The following DRC9 variants were observed in gnomAD, a reference collection of about 807,000 sequenced individuals.
The protein encoded by DRC9 is dynein regulatory complex subunit 9.
the DRC9 span, among the ~76,000 whole-genome samples, chr3:197,891,857 T>C: frequency 6.6e-6 from 1 of 152,228 alleles, no homozygotes; most frequent in Admixed American, 6.5e-5. Context: ...TGGGAGAATG[T>C]ACATACACAA....
At chr3:197,924,307 C>T in the DRC9 span, among the ~76,000 whole-genome samples, 17,815 of 147,560 alleles carry the variant, frequency 0.12, 1,157 homozygotes, top group East Asian at 0.21. Flanking sequence ...TTCAGTGAGC[C>T]GAAATTGTGC....
the DRC9 span, among the ~76,000 whole-genome samples, chr3:197,947,533 C>T: frequency 1.2e-3 from 185 of 152,196 alleles, no homozygotes; most frequent in Non-Finnish European, 1.9e-3. Context: ...TCCCTTGCAA[C>T]TCAGGGTCTT....
chr3:197,911,645 ATT>A, the DRC9 span, among the ~76,000 whole-genome samples: 1 of 147,550 alleles, frequency 6.8e-6, no homozygotes. Flanking sequence ...AGATTAGTAA[ATT>A]TTTTTTTTTT....
At chr3:197,900,250 G>A in the DRC9 span, among the ~76,000 whole-genome samples, 2 of 152,218 alleles carry the variant, frequency 1.3e-5, no homozygotes, top group African/African-American at 2.4e-5. This position sits in a 1 kb window ranked among gnomAD's most constrained non-coding sequence, Gnocchi z 4.7. Context: ...TGGTGCCTGT[G>A]GACTTGGGGG....
At chr3:197,950,290 C>A in the DRC9 span, 19 of 1,229,722 alleles carry the variant, frequency 1.5e-5, no homozygotes, top group Non-Finnish European at 1.9e-5. Flanking sequence ...TGTGCCTTGG[C>A]GAGTCGCCGG....
At chr3:197,944,065 A>C in the DRC9 span, 3 of 1,600,368 alleles carry the variant, frequency 1.9e-6, no homozygotes, top group Non-Finnish European at 2.6e-6. Flanking sequence ...AGGAAAGAAT[A>C]AAGAAAAAAT....
chr3:197,953,292 C>G, the DRC9 span, among the ~76,000 whole-genome samples: 2 of 152,150 alleles, frequency 1.3e-5, no homozygotes, highest in African/African-American at 4.8e-5. Context: ...GGGAGGATTG[C>G]TTGATGCCAG....
the DRC9 span, among the ~76,000 whole-genome samples, chr3:197,901,336 C>T: frequency 5.0e-3 from 755 of 152,300 alleles, 8 homozygotes; most frequent in African/African-American, 0.017. The surrounding 1 kb of genome is among the most constrained non-coding windows in gnomAD (Gnocchi z 4.4). Context: ...CCAGGTTTCA[C>T]CATGTTAGCC....
the DRC9 span, chr3:197,891,671 G>T: frequency 2.2e-6 from 1 of 455,022 alleles, no homozygotes; most frequent in Non-Finnish European, 3.9e-6. Flanking sequence ...ATAAACCAAA[G>T]AAAAAAATGT....
the DRC9 span, among the ~76,000 whole-genome samples, chr3:197,932,924 T>C: frequency 7.2e-6 from 1 of 139,340 alleles, no homozygotes; most frequent in Non-Finnish European, 1.5e-5. Flanking sequence ...ATGCATATTA[T>C]GTATTATATA....
the DRC9 span, chr3:197,950,051 G>A: frequency 3.0e-6 from 3 of 987,304 alleles, no homozygotes; most frequent in Non-Finnish European, 3.9e-6. Flanking sequence ...ATAATTGTAA[G>A]AGTGCTATTG....
At chr3:197,910,909 T>C in the DRC9 span, among the ~76,000 whole-genome samples, 2 of 151,308 alleles carry the variant, frequency 1.3e-5, no homozygotes, top group Admixed American at 6.6e-5. Flanking sequence ...GAGGCCGAGG[T>C]TGCAGTGAGC....
chr3:197,907,532 G>A, the DRC9 span, among the ~76,000 whole-genome samples: 8 of 152,308 alleles, frequency 5.3e-5, no homozygotes, highest in Non-Finnish European at 8.8e-5. Flanking sequence ...GAATCAACTC[G>A]ACATGTTTCC....
At chr3:197,932,800 AAT>A in the DRC9 span, among the ~76,000 whole-genome samples, 1 of 144,120 alleles carries the variant, frequency 6.9e-6, no homozygotes, top group Non-Finnish European at 1.5e-5. Flanking sequence ...GGTCTCAAAA[AAT>A]ATATATATGT....
chr3:197,950,958 A>T, the DRC9 span: 1 of 1,614,140 alleles, frequency 6.2e-7, no homozygotes, highest in Admixed American at 1.7e-5. Flanking sequence ...CGGGACTTCT[A>T]AAAGGAACTA....
chr3:197,932,326 A>C, the DRC9 span: 1 of 1,598,900 alleles, frequency 6.3e-7, no homozygotes, highest in Non-Finnish European at 8.5e-7. Context: ...CAGACCAACA[A>C]AAAATGAGTT....
chr3:197,917,736 CTTTTT>C, the DRC9 span, among the ~76,000 whole-genome samples: 1 of 146,178 alleles, frequency 6.8e-6, no homozygotes, highest in Non-Finnish European at 1.5e-5. Flanking sequence ...TCTCTTTTCT[CTTTTT>C]TTTTTTTGAG....
chr3:197,902,333 A>C, the DRC9 span, among the ~76,000 whole-genome samples: 15 of 152,328 alleles, frequency 9.8e-5, no homozygotes, highest in African/African-American at 3.6e-4. Context: ...AGAAGCATCA[A>C]GACCATTCAG....
the DRC9 span, among the ~76,000 whole-genome samples, chr3:197,941,733 G>A: frequency 6.6e-6 from 1 of 151,068 alleles, no homozygotes; most frequent in Non-Finnish European, 1.5e-5. Flanking sequence ...GCTAATTTTT[G>A]TATTTTCTTG....
Sources: gnomAD v4.1 joint callset for allele counts (sites outside exome capture counted in the v4.1 genomes callset) on GRCh38, gnomAD v4.1.1 for gene constraint, Gnocchi (gnomAD v3.1) non-coding constraint, MANE v1.5 for transcripts, NCBI Gene and HGNC (gene_info 2026-07-23, HGNC 2026-07-21) for gene names.